The following CCSAP variants were observed in gnomAD, a reference collection of about 807,000 sequenced individuals.
CCSAP encodes centriole, cilia and spindle-associated protein.
CCSAP carries 17 observed loss-of-function variants against 25.9 expected under a neutral mutation model. That is an observed-to-expected ratio of 0.66 (90% CI 0.45 to 0.99). CCSAP has a LOEUF of 0.99. Ranked by LOEUF, CCSAP falls within the 50% of genes least tolerant of loss-of-function variation. The pLI is 0.00. For missense variants in CCSAP, 339 were observed against 367.8 expected (o/e 0.92, Z 0.64); for synonymous variants, 169 against 157.1 (o/e 1.08, Z -0.57).
intron 2 of CCSAP, among the ~76,000 whole-genome samples, chr1:229,334,874 G>A (rs1361838228): frequency 6.6e-6 from 1 of 152,134 alleles, no homozygotes; most frequent in Non-Finnish European, 1.5e-5. Flanking sequence ...GAGCAAGGGA[G>A]GTGATGACAT....
chr1:229,342,994 C>T lies in CCSAP; in HGVS notation c.-131G>A, dbSNP rs1658380319. ...CAGCAGCTAAAGCGCAGCTCGCTCTCCCGCGCGCTTTCCTCCTGAGCAAGA... is the reference window on the plus strand; with the variant it reads ...CAGCAGCTAAAGCGCAGCTCGCTCTTCCGCGCGCTTTCCTCCTGAGCAAGA... On this transcript the variant is annotated 5_prime_UTR_variant, in exon 1 of 4. Transcript: ENST00000284617. This position sits in a 1 kb window ranked among gnomAD's most constrained non-coding sequence, Gnocchi z 7.5. 6.6e-6 allele frequency: 1 copy of T among 152,496 alleles called. No homozygotes were observed. The highest frequency in any genetic ancestry group is 2.4e-5 in the African/African-American group (1 of 41,596). 9.4% of individuals were successfully genotyped at this position (152,496 alleles called of 1,614,324 possible). A position where few individuals can be genotyped will look rare whatever the true frequency, so the allele number is the denominator to read the frequency against.
intron 2 of CCSAP, 24 bp from the exon 3 acceptor site, chr1:229,327,030 T>A: frequency 6.4e-7 from 1 of 1,557,292 alleles, no homozygotes; most frequent in Non-Finnish European, 8.7e-7. Context: ...ATAAATGAGA[T>A]GAAAATACTT....
At chr1:229,340,338 A>G (rs1439759693) in intron 2 of CCSAP, 5 of 704,288 alleles carry the variant, frequency 7.1e-6, no homozygotes, top group Middle Eastern at 2.3e-4. Flanking sequence ...GTTAGCAGGG[A>G]AGAAATAACT....
chr1:229,337,678 A>AAAAAAATATATACATATATATATATAT, intron 2 of CCSAP, among the ~76,000 whole-genome samples: 1 of 65,548 alleles, frequency 1.5e-5, no homozygotes, highest in African/African-American at 6.0e-5. Context: ...CTCAAAAAAA[A>AAAAAAATATATACATATATATATATAT]ATATATATAT....
chr1:229,331,706 C>T (rs556480248), intron 2 of CCSAP, among the ~76,000 whole-genome samples: 51 of 152,024 alleles, frequency 3.4e-4, no homozygotes, highest in East Asian at 1.7e-3. Context: ...TGGAGGCCGG[C>T]GAGACAGCAT....
intron 2 of CCSAP, among the ~76,000 whole-genome samples, chr1:229,341,756 T>C (rs1658338706): frequency 6.6e-6 from 1 of 151,858 alleles, no homozygotes; most frequent in South Asian, 2.1e-4. Context: ...AATGGGCGCC[T>C]AGAAATAAGC....
chr1:229,340,855 AAATG>A (rs1206191404), intron 2 of CCSAP, among the ~76,000 whole-genome samples: 1 of 152,192 alleles, frequency 6.6e-6, no homozygotes, highest in Non-Finnish European at 1.5e-5. Flanking sequence ...ATAAACACAT[AAATG>A]AATAAAGTCA....
Position 229,322,071 on chromosome 1 carries a change from G to A in CCSAP, c.*3164C>T, listed in dbSNP as rs1657837984. 1 of 152,194 alleles carries A rather than the reference G, an allele frequency of 6.6e-6. No individual in the cohort carries two copies. The highest frequency in any genetic ancestry group is 2.1e-4 in the South Asian group (1 of 4,824). 9.4% of individuals were successfully genotyped at this position (152,194 alleles called of 1,614,324 possible). On this transcript the variant is annotated 3_prime_UTR_variant, in exon 4 of 4. Coordinates refer to ENST00000284617, the MANE Select transcript of CCSAP (RefSeq NM_145257.5). ...TAGAAGGGGTTTGAGTATCCATGGAGTTTGGCATCCTAAGGGAGGCCTGGA... is the reference window on the plus strand; with the variant it reads ...TAGAAGGGGTTTGAGTATCCATGGAATTTGGCATCCTAAGGGAGGCCTGGA...
At chr1:229,331,679 T>A (rs1658069155) in intron 2 of CCSAP, among the ~76,000 whole-genome samples, 2 of 152,100 alleles carry the variant, frequency 1.3e-5, no homozygotes, top group Non-Finnish European at 1.5e-5. Context: ...CAATTGTAGC[T>A]AAGCTCAGGA....
chr1:229,339,970 A>G (rs1041624333), intron 2 of CCSAP, among the ~76,000 whole-genome samples: 1 of 152,148 alleles, frequency 6.6e-6, no homozygotes, highest in Non-Finnish European at 1.5e-5. Flanking sequence ...AAACAATCAC[A>G]TGTCAATAAA....
chr1:229,335,444 CTA>C (rs1658174145), intron 2 of CCSAP, among the ~76,000 whole-genome samples: 1 of 152,200 alleles, frequency 6.6e-6, no homozygotes, highest in South Asian at 2.1e-4. Context: ...GCTCTTCTGA[CTA>C]TAATATGGAC....
chr1:229,342,382 G>A lies in CCSAP; in HGVS notation c.84C>T (p.Arg28=), dbSNP rs777299196. The change falls in exon 2 of 4, where the codon CGC becomes CGT. Residue 28 remains arginine, a synonymous_variant. Transcript: ENST00000284617. The surrounding 1 kb of genome is among the most constrained non-coding windows in gnomAD (Gnocchi z 7.5). ...PRWEEYGPCY[R]ELLHYRLGRR... ...GGCCTAGGCGGTAGTGCAGCAGCTC[G>A]CGGTAGCACGGCCCGTACTCCTCCC... The A allele has an allele frequency of 6.6e-7, 1 of 1,504,080 alleles. No individual in the cohort carries two copies. Among genetic ancestry groups the A allele is most frequent in the Non-Finnish European group, 8.9e-7 (1 of 1,124,114 alleles). The allele number at this position is 1,504,080 out of a possible 1,614,324, so 93.2% of individuals were successfully genotyped here.
At chr1:229,331,627 T>C (rs1477445606) in intron 2 of CCSAP, among the ~76,000 whole-genome samples, 1 of 151,958 alleles carries the variant, frequency 6.6e-6, no homozygotes, top group African/African-American at 2.4e-5. Flanking sequence ...CCTGCTCTCC[T>C]TTCCCCTGCC....
At chr1:229,338,648 G>A (rs1198862488) in intron 2 of CCSAP, among the ~76,000 whole-genome samples, 1 of 151,884 alleles carries the variant, frequency 6.6e-6, no homozygotes, top group Non-Finnish European at 1.5e-5. Context: ...AGACATTTGA[G>A]AAAAGTGCCT....
chr1:229,337,855 T>TA (rs1419959081), intron 2 of CCSAP, among the ~76,000 whole-genome samples: 1 of 150,556 alleles, frequency 6.6e-6, no homozygotes, highest in African/African-American at 2.4e-5. Flanking sequence ...CTAAAATAAA[T>TA]AAGAAATAAG....
intron 2 of CCSAP, among the ~76,000 whole-genome samples, chr1:229,337,682 T>A (rs867240179): frequency 0.098 from 4,008 of 41,082 alleles, 417 homozygotes; most frequent in African/African-American, 0.26. Context: ...AAAAAAAATA[T>A]ATATATATAT....
At chr1:229,332,236 A>G (rs1469019786) in intron 2 of CCSAP, among the ~76,000 whole-genome samples, 1 of 152,188 alleles carries the variant, frequency 6.6e-6, no homozygotes, top group African/African-American at 2.4e-5. Flanking sequence ...AACGGGGATA[A>G]TGGGAACCCC....
At chr1:229,327,641 G>A (rs568916667) in intron 2 of CCSAP, 9 of 453,658 alleles carry the variant, frequency 2.0e-5, no homozygotes, top group Admixed American at 1.6e-4. Context: ...AGGCCGAGGC[G>A]AGCGGATCAC....
At chr1:229,341,442 G>A (rs1258036844) in intron 2 of CCSAP, among the ~76,000 whole-genome samples, 2 of 152,206 alleles carry the variant, frequency 1.3e-5, no homozygotes, top group Non-Finnish European at 2.9e-5. Flanking sequence ...GAAAGAAGGT[G>A]AAGGGGCCAT....
Sources: gnomAD v4.1 joint callset for allele counts (sites outside exome capture counted in the v4.1 genomes callset) on GRCh38, gnomAD v4.1.1 for gene constraint, Gnocchi (gnomAD v3.1) non-coding constraint, MANE v1.5 for transcripts, NCBI Gene and HGNC (gene_info 2026-07-23, HGNC 2026-07-21) for gene names.